Variants in SUSD6 observed in about 807,000 individuals in gnomAD.
SUSD6 encodes sushi domain containing 6.
SUSD6 carries 16 observed loss-of-function variants against 28.4 expected under a neutral mutation model. That is an observed-to-expected ratio of 0.56 (90% CI 0.38 to 0.86). The LOEUF is 0.86. SUSD6 is among the 40% of genes least tolerant of loss of function. The pLI is 0.00. For missense variants in SUSD6, 341 were observed against 384.2 expected, an observed-to-expected ratio of 0.89 and a Z score of 0.94; for synonymous variants, 147 against 159.6, an observed-to-expected ratio of 0.92 and a Z score of 0.59.
chr14:69,613,206 A>G, intron 1 of SUSD6, among the ~76,000 whole-genome samples: 1 of 152,194 alleles, frequency 6.6e-6, no homozygotes, highest in East Asian at 1.9e-4. Context: ...TTTTGAACTC[A>G]TTTAATAACA....
intron 1 of SUSD6, among the ~76,000 whole-genome samples, chr14:69,652,541 TG>T (rs1181900350): frequency 6.6e-6 from 1 of 152,208 alleles, no homozygotes; most frequent in East Asian, 1.9e-4. Flanking sequence ...GAGCCACGCT[TG>T]ACTGAATCAG....
At chr14:69,641,599 A>G (rs1323109468) in intron 1 of SUSD6, among the ~76,000 whole-genome samples, 8 of 151,254 alleles carry the variant, frequency 5.3e-5, no homozygotes, top group African/African-American at 1.7e-4. Flanking sequence ...TTGAATCTTT[A>G]TTTTTTTTGA....
chr14:69,655,165 T>G (rs551721812), intron 1 of SUSD6, among the ~76,000 whole-genome samples: 1 of 152,254 alleles, frequency 6.6e-6, no homozygotes, highest in South Asian at 2.1e-4. Flanking sequence ...GTGTCTGTCT[T>G]TCAAAAATAC....
chr14:69,662,251 T>C (rs564952067), intron 2 of SUSD6, among the ~76,000 whole-genome samples: 2 of 152,304 alleles, frequency 1.3e-5, no homozygotes, highest in African/African-American at 2.4e-5. Flanking sequence ...AGAATACCAC[T>C]AGACATAGGT....
At chr14:69,702,668 T>A (rs1886329294) in intron 2 of SUSD6, among the ~76,000 whole-genome samples, 1 of 152,262 alleles carries the variant, frequency 6.6e-6, no homozygotes, top group Non-Finnish European at 1.5e-5. Context: ...GCCATTTACC[T>A]TGCTGTAAGC....
At chr14:69,642,293 G>A (rs1318551548) in intron 1 of SUSD6, among the ~76,000 whole-genome samples, 1 of 152,144 alleles carries the variant, frequency 6.6e-6, no homozygotes, top group Non-Finnish European at 1.5e-5. Context: ...AACTAAGCTG[G>A]TCCCACTTGG....
In SUSD6 at chr14:69,658,655, T is replaced by C. The variant is rs751305170; in HGVS notation, c.63T>C (p.His21=). 2.5e-6 allele frequency: 4 copies of C among 1,613,970 alleles called. No homozygotes were observed. In the African/African-American group the frequency reaches 5.3e-5, roughly 22 times the overall value. The change falls in exon 2 of 6, where the codon CAT becomes CAC. Residue 21 remains histidine, a synonymous_variant. Coordinates refer to ENST00000342745, the MANE Select transcript of SUSD6 (RefSeq NM_014734.4). ...TGTTTGCCGTGGCCTCCGTGGGACATGGAGTGTTCCTTCCGCTAGTGATCC... is the reference window on the plus strand; with the variant it reads ...TGTTTGCCGTGGCCTCCGTGGGACACGGAGTGTTCCTTCCGCTAGTGATCC... ...TSVFAVASVG[H]GVFLPLVILC... is the part of the protein sequence containing the mutation.
At chr14:69,620,930 A>G (rs11627867) in intron 1 of SUSD6, among the ~76,000 whole-genome samples, 6,217 of 152,254 alleles carry the variant, frequency 0.041, 196 homozygotes, top group East Asian at 0.15. Flanking sequence ...TTTTTCTTCC[A>G]TCTCCCTCAA....
At chr14:69,710,798 A>G (rs559601889) in intron 5 of SUSD6, among the ~76,000 whole-genome samples, 156 bp from the exon 6 acceptor site, 24 of 152,258 alleles carry the variant, frequency 1.6e-4, no homozygotes, top group African/African-American at 5.3e-4. Context: ...AAAAGGAGGT[A>G]GGGAGTTTTT....
At chr14:69,629,285 A>G (rs974849176) in intron 1 of SUSD6, among the ~76,000 whole-genome samples, 5 of 152,052 alleles carry the variant, frequency 3.3e-5, no homozygotes, top group African/African-American at 1.2e-4. Context: ...GGGACGAGGG[A>G]TGGACCAGAG....
chr14:69,612,451 C>T (rs1262224005), intron 1 of SUSD6, among the ~76,000 whole-genome samples: 2 of 152,028 alleles, frequency 1.3e-5, no homozygotes, highest in African/African-American at 2.4e-5. Context: ...CACGTACATA[C>T]AGACTTTCCT....
At chr14:69,698,577 A>T (rs1306514823) in intron 2 of SUSD6, among the ~76,000 whole-genome samples, 1 of 152,088 alleles carries the variant, frequency 6.6e-6, no homozygotes, top group Admixed American at 6.5e-5. Flanking sequence ...GTTTTGTTTT[A>T]ATTTGCCTCC....
intron 2 of SUSD6, among the ~76,000 whole-genome samples, chr14:69,690,918 C>A: frequency 6.6e-6 from 1 of 152,162 alleles, no homozygotes; most frequent in African/African-American, 2.4e-5. Context: ...CACCAAAAAA[C>A]CACACACCTT....
rs756272904 is a variant in SUSD6 at position 69,708,923 on chromosome 14, G to A, written c.705G>A (p.Gln235=). The A allele has an allele frequency of 1.5e-5, 25 of 1,614,082 alleles. No individual in the cohort carries two copies. The highest frequency in any genetic ancestry group is 1.8e-5 in the Non-Finnish European group (21 of 1,180,052). The part of the protein sequence containing the change: ...SAGGEDEAPG[Q]SGLCEAWGSR... The stretch of plus-strand genomic sequence containing the variant: ...GTGGAGAAGATGAGGCCCCAGGCCA[G>A]TCTGGACTATGTGAAGCCTGGGGCT... Residue 235 remains glutamine (Q), a synonymous_variant, in exon 5 of 6, where the codon CAG becomes CAA. Coordinates refer to ENST00000342745, the MANE Select transcript of SUSD6 (RefSeq NM_014734.4).
intron 2 of SUSD6, among the ~76,000 whole-genome samples, chr14:69,660,127 C>T (rs1024071927): frequency 6.6e-6 from 1 of 152,152 alleles, no homozygotes; most frequent in African/African-American, 2.4e-5. Context: ...TTGGTGGGGA[C>T]AGTAGGGGAG....
At chr14:69,658,992 C>T (rs996024882) in intron 2 of SUSD6, among the ~76,000 whole-genome samples, 2 of 152,116 alleles carry the variant, frequency 1.3e-5, no homozygotes, top group Non-Finnish European at 2.9e-5. Flanking sequence ...GTTCAGAGCA[C>T]AATATGCAGG....
intron 2 of SUSD6, among the ~76,000 whole-genome samples, chr14:69,702,206 C>G (rs900719085): frequency 7.9e-5 from 12 of 152,196 alleles, no homozygotes; most frequent in Admixed American, 7.2e-4. Flanking sequence ...GGTTATTTGT[C>G]AGCAAAATTG....
chr14:69,618,023 T>A (rs1459645360), intron 1 of SUSD6, among the ~76,000 whole-genome samples: 1 of 152,208 alleles, frequency 6.6e-6, no homozygotes, highest in Non-Finnish European at 1.5e-5. Context: ...TGGAGTGTCA[T>A]TTCCTCTACA....
At chr14:69,614,528 C>CT (rs1884930694) in intron 1 of SUSD6, among the ~76,000 whole-genome samples, 1 of 152,194 alleles carries the variant, frequency 6.6e-6, no homozygotes, top group South Asian at 2.1e-4. Flanking sequence ...GTTAGAACTT[C>CT]TTTCAAGTTT....
Sources: allele counts gnomAD v4.1 joint callset (sites outside exome capture counted in the v4.1 genomes callset), GRCh38; gene constraint gnomAD v4.1.1; transcripts MANE v1.5; gene names NCBI Gene and HGNC (gene_info 2026-07-23, HGNC 2026-07-21).